The following GSG1L variants were observed in gnomAD, a reference collection of about 807,000 sequenced individuals.
GSG1L encodes the protein germ cell-specific gene 1-like protein.
In GSG1L, 24 loss-of-function variants were observed where a neutral mutation model predicts 42.1. That is an observed-to-expected ratio of 0.57 (90% CI 0.41 to 0.80). The LOEUF is 0.80. GSG1L is among the 30% of genes least tolerant of loss of function. The probability of loss-of-function intolerance (pLI) is 0.00; values close to 1 mark genes in which losing one functional copy is unlikely to be tolerated. For synonymous variants in GSG1L, 215 were observed against 203.5 expected, an observed-to-expected ratio of 1.06 and a Z score of -0.48; for missense variants, 445 against 472.2, an observed-to-expected ratio of 0.94 and a Z score of 0.53.
intron 1 of GSG1L, among the ~76,000 whole-genome samples, chr16:28,020,163 T>G (rs2085824604): frequency 1.3e-5 from 2 of 152,150 alleles, no homozygotes; most frequent in African/African-American, 4.8e-5. Context: ...GAGATCAAAA[T>G]CGGCCCTACT....
intron 1 of GSG1L, among the ~76,000 whole-genome samples, chr16:27,988,177 C>A (rs1229266245): frequency 6.6e-6 from 1 of 151,882 alleles, no homozygotes; most frequent in African/African-American, 2.4e-5. Flanking sequence ...AAACATCTTT[C>A]TGAAAAATTA....
At chr16:27,963,282 G>T in intron 1 of GSG1L, 79 bp from the exon 2 acceptor site, 1 of 1,238,864 alleles carries the variant, frequency 8.1e-7, no homozygotes, top group Non-Finnish European at 1.2e-6. Context: ...CATCCCATGA[G>T]CCCTGGAGCA....
chr16:27,864,153 T>G (rs1007819212), intron 3 of GSG1L, among the ~76,000 whole-genome samples: 1 of 152,180 alleles, frequency 6.6e-6, no homozygotes, highest in Non-Finnish European at 1.5e-5. Flanking sequence ...ACAAACATCC[T>G]AGAACTGAAT....
intron 1 of GSG1L, among the ~76,000 whole-genome samples, chr16:28,029,308 G>A (rs117910359): frequency 6.6e-6 from 1 of 152,356 alleles, no homozygotes; most frequent in East Asian, 1.9e-4. Flanking sequence ...GGAATCAGCA[G>A]CATCAAGTAA....
chr16:27,947,544 A>G (rs866494823), intron 2 of GSG1L, among the ~76,000 whole-genome samples: 10 of 35,090 alleles, frequency 2.8e-4, no homozygotes, highest in Non-Finnish European at 4.0e-4. Flanking sequence ...AATGAAGGAA[A>G]GAAAGAAAGA....
chr16:27,803,499 G>A (rs568723382), intron 6 of GSG1L, among the ~76,000 whole-genome samples: 176 of 152,098 alleles, frequency 1.2e-3, no homozygotes, highest in Non-Finnish European at 1.8e-3. Flanking sequence ...CTAGTTGGGT[G>A]TTCAATCATC....
chr16:27,797,631 G>A (rs1240686170), intron 6 of GSG1L, among the ~76,000 whole-genome samples: 3 of 151,650 alleles, frequency 2.0e-5, no homozygotes. Flanking sequence ...GACCATCCTG[G>A]CTAACACGCT....
Position 27,816,451 on chromosome 16 carries a change from G to A in GSG1L, c.831-8897C>T, listed in dbSNP as rs2083095366. 3.3e-5 allele frequency among the ~76,000 whole-genome samples: 5 copies of A among 152,214 alleles called. No homozygotes were observed. The South Asian group carries it at 1.0e-3, about 32-fold the overall frequency. ...GAGTAGATGCTGTGGTGCCTAGAAAGATGGAAGAGCCCCAGGGAAAGTGAC... is the reference window on the plus strand; with the variant it reads ...GAGTAGATGCTGTGGTGCCTAGAAAAATGGAAGAGCCCCAGGGAAAGTGAC... On this transcript the variant is annotated intron_variant, in intron 5 of 6. Coordinates refer to ENST00000447459, the MANE Select transcript of GSG1L (RefSeq NM_001109763.2).
intron 3 of GSG1L, among the ~76,000 whole-genome samples, chr16:27,880,882 G>A (rs1420753097): frequency 6.6e-6 from 1 of 151,866 alleles, no homozygotes; most frequent in Non-Finnish European, 1.5e-5. Flanking sequence ...TGCTGATGAA[G>A]GAGAGGGGAC....
In GSG1L at chr16:27,884,762, G is replaced by C; in HGVS notation, c.398-124C>G. 1.0e-6 allele frequency: 1 copy of C among 983,678 alleles called. No homozygotes were observed. Among genetic ancestry groups the C allele is most frequent in the Non-Finnish European group, 1.5e-6 (1 of 688,810 alleles). 60.9% of individuals were successfully genotyped at this position (983,678 alleles called of 1,614,324 possible). ...TTCTAGAATAGAACCTGGTTCTGGGGGAGGTCCTGATGGAAGCCTGTCATG... is the reference window on the plus strand; with the variant it reads ...TTCTAGAATAGAACCTGGTTCTGGGCGAGGTCCTGATGGAAGCCTGTCATG... On this transcript the variant is annotated intron_variant, in intron 2 of 6. Transcript: ENST00000447459. This position sits in a 1 kb window ranked among gnomAD's most constrained non-coding sequence, Gnocchi z 4.4.
At chr16:28,058,445 A>G (rs192574176) in intron 1 of GSG1L, among the ~76,000 whole-genome samples, 1 of 152,264 alleles carries the variant, frequency 6.6e-6, no homozygotes, top group East Asian at 1.9e-4. Context: ...CCTGAGCAAC[A>G]TAGTGAAACC....
At chr16:27,979,140 T>C (rs572273692) in intron 1 of GSG1L, among the ~76,000 whole-genome samples, 5 of 152,098 alleles carry the variant, frequency 3.3e-5, no homozygotes, top group African/African-American at 9.6e-5. Context: ...GCGCCTTCCA[T>C]CCAGGCTTGC....
intron 3 of GSG1L, among the ~76,000 whole-genome samples, chr16:27,880,280 C>G (rs1291662490): frequency 6.6e-6 from 1 of 152,214 alleles, no homozygotes; most frequent in Non-Finnish European, 1.5e-5. Flanking sequence ...CATATTGTGT[C>G]TCTCCTGTTT....
intron 3 of GSG1L, among the ~76,000 whole-genome samples, chr16:27,861,412 G>T (rs1219285298): frequency 6.6e-6 from 1 of 152,086 alleles, no homozygotes; most frequent in African/African-American, 2.4e-5. Context: ...GAAAGGGCCA[G>T]TGGGAGTGTC....
At chr16:27,871,462 C>T (rs574172732) in intron 3 of GSG1L, among the ~76,000 whole-genome samples, 100 of 152,096 alleles carry the variant, frequency 6.6e-4, no homozygotes, top group African/African-American at 2.2e-3. Context: ...GGCAACATGA[C>T]GAAACCCCGT....
chr16:27,896,301 C>A (rs751718093), intron 2 of GSG1L, among the ~76,000 whole-genome samples: 1 of 152,146 alleles, frequency 6.6e-6, no homozygotes, highest in Non-Finnish European at 1.5e-5. Context: ...TGTGACTAAG[C>A]CCCTGGGGCT....
chr16:27,887,956 G>A, intron 2 of GSG1L: 1 of 341,868 alleles, frequency 2.9e-6, no homozygotes, highest in Non-Finnish European at 4.1e-6. Flanking sequence ...CTGGCCCAAG[G>A]GCCACCAGGC....
chr16:27,825,185 C>T (rs2083195873), intron 5 of GSG1L, among the ~76,000 whole-genome samples: 1 of 152,150 alleles, frequency 6.6e-6, no homozygotes, highest in South Asian at 2.1e-4. Flanking sequence ...GGGCTGAGGC[C>T]TCCAAAGACA....
chr16:27,905,080 T>C (rs1247498065), intron 2 of GSG1L, among the ~76,000 whole-genome samples: 4 of 152,190 alleles, frequency 2.6e-5, no homozygotes, highest in Admixed American at 6.5e-5. Flanking sequence ...GACACCAGTT[T>C]CCAATCCTTC....
Sources: allele counts gnomAD v4.1 joint callset (sites outside exome capture counted in the v4.1 genomes callset), GRCh38; gene constraint gnomAD v4.1.1; non-coding constraint Gnocchi (gnomAD v3.1); transcripts MANE v1.5; gene names NCBI Gene and HGNC (gene_info 2026-07-23, HGNC 2026-07-21).